Variants in AP3B1 observed in about 807,000 individuals in gnomAD.
The protein encoded by AP3B1 is AP-3 complex subunit beta-1.
Under a neutral mutation model 132.5 loss-of-function variants are expected in AP3B1, and 61 were observed. The ratio of observed to expected loss-of-function variants is 0.46; its 90% CI spans 0.37 to 0.57. The LOEUF (loss-of-function observed/expected upper bound fraction) is 0.57, where lower values mean the gene tolerates loss of function less well. Among genes scored for constraint, AP3B1 ranks in the 20% least tolerant of loss-of-function variants. The pLI is 0.00. For synonymous variants in AP3B1, 388 were observed against 438.3 expected, an observed-to-expected ratio of 0.89 and a Z score of 1.43; for missense variants, 1,120 against 1,289.4, an observed-to-expected ratio of 0.87 and a Z score of 2.01.
chr5:78,023,579 A>C (rs1159829138), intron 24 of AP3B1, among the ~76,000 whole-genome samples: 1 of 152,066 alleles, frequency 6.6e-6, no homozygotes, highest in Non-Finnish European at 1.5e-5. Flanking sequence ...GTAGATAAAA[A>C]TCATATAGGA....
At chr5:78,066,274 A>C (rs934383612) in intron 22 of AP3B1, among the ~76,000 whole-genome samples, 1 of 152,154 alleles carries the variant, frequency 6.6e-6, no homozygotes, top group Non-Finnish European at 1.5e-5. Flanking sequence ...AATTACCACA[A>C]CACCTCTCCA....
chr5:78,129,613 C>G (rs1332365450), intron 15 of AP3B1, among the ~76,000 whole-genome samples: 1 of 151,826 alleles, frequency 6.6e-6, no homozygotes, highest in Non-Finnish European at 1.5e-5. Context: ...CTGAAGGGGT[C>G]TACGTGAGAA....
intron 21 of AP3B1, among the ~76,000 whole-genome samples, chr5:78,098,320 G>A (rs1479731427): frequency 6.6e-6 from 1 of 151,190 alleles, no homozygotes; most frequent in African/African-American, 2.4e-5. Flanking sequence ...AAAAAAGCTT[G>A]TATCTCAACA....
chr5:78,171,019 G>A (rs182909374), intron 11 of AP3B1, among the ~76,000 whole-genome samples: 18 of 152,128 alleles, frequency 1.2e-4, no homozygotes, highest in African/African-American at 4.8e-5. Flanking sequence ...GCTTTTATCA[G>A]GTTTGTCAAA....
chr5:78,150,856 A>C (rs1035959862), intron 14 of AP3B1, among the ~76,000 whole-genome samples: 2 of 152,152 alleles, frequency 1.3e-5, no homozygotes, highest in African/African-American at 4.8e-5. Context: ...CCCAAATGTT[A>C]ACATTTTACT....
chr5:78,097,838 C>T (rs1303100734), intron 21 of AP3B1, among the ~76,000 whole-genome samples: 1 of 152,192 alleles, frequency 6.6e-6, no homozygotes, highest in African/African-American at 2.4e-5. Context: ...GAATAGAAAG[C>T]GGGGAAAGGT....
intron 11 of AP3B1, among the ~76,000 whole-genome samples, chr5:78,172,944 G>T (rs1178054305): frequency 6.6e-6 from 1 of 152,156 alleles, no homozygotes; most frequent in Non-Finnish European, 1.5e-5. Context: ...GTGTCCCAGA[G>T]ATTCTGGTAT....
At chr5:78,204,378 A>C (rs111357046) in intron 7 of AP3B1, among the ~76,000 whole-genome samples, 2,091 of 152,282 alleles carry the variant, frequency 0.014, 54 homozygotes, top group African/African-American at 0.048. Flanking sequence ...GGCCATTTAA[A>C]AATTTGCCTT....
chr5:78,041,637 A>G (rs1346105749), intron 22 of AP3B1, among the ~76,000 whole-genome samples: 2 of 152,100 alleles, frequency 1.3e-5, no homozygotes, highest in Non-Finnish European at 2.9e-5. Context: ...ATAAACAATT[A>G]GCTAAATTTA....
chr5:78,093,306 G>A (rs571578717), intron 21 of AP3B1, among the ~76,000 whole-genome samples: 4 of 152,204 alleles, frequency 2.6e-5, no homozygotes, highest in South Asian at 2.1e-4. Context: ...CAATCCTCCC[G>A]CCTTGGCCTC....
intron 21 of AP3B1, among the ~76,000 whole-genome samples, chr5:78,096,467 C>T (rs1225990233): frequency 5.9e-5 from 9 of 151,394 alleles, no homozygotes; most frequent in Non-Finnish European, 1.2e-4. Flanking sequence ...TCTGCCTGGC[C>T]GCCCATCGTC....
intron 1 of AP3B1, among the ~76,000 whole-genome samples, chr5:78,288,218 T>C (rs181511935): frequency 5.6e-4 from 85 of 152,338 alleles, no homozygotes; most frequent in African/African-American, 2.0e-3. Flanking sequence ...ACTGAAAAGT[T>C]GAATTACACA....
At chr5:78,172,616 T>C (rs1464088460) in intron 11 of AP3B1, among the ~76,000 whole-genome samples, 1 of 152,240 alleles carries the variant, frequency 6.6e-6, no homozygotes, top group East Asian at 1.9e-4. Context: ...TCTATTTGAT[T>C]CTTCTCTCTT....
At chr5:78,124,296 T>C (rs1454947338) in intron 17 of AP3B1, among the ~76,000 whole-genome samples, 1 of 150,922 alleles carries the variant, frequency 6.6e-6, no homozygotes, top group Non-Finnish European at 1.5e-5. Flanking sequence ...CATGTATACA[T>C]ATGTAACAAA....
chr5:78,157,280 C>T (rs1743188852), intron 13 of AP3B1, among the ~76,000 whole-genome samples: 1 of 152,182 alleles, frequency 6.6e-6, no homozygotes, highest in Non-Finnish European at 1.5e-5. Context: ...AGCCTGTTAG[C>T]TCCAGGGTGT....
At chr5:78,040,276 T>C (rs1042104475) in intron 22 of AP3B1, among the ~76,000 whole-genome samples, 5 of 152,210 alleles carry the variant, frequency 3.3e-5, no homozygotes, top group African/African-American at 2.4e-5. Context: ...ACTGAACTAA[T>C]TGTCCCTACA....
At chr5:78,204,218 C>T (rs1300083415) in intron 7 of AP3B1, among the ~76,000 whole-genome samples, 2 of 152,132 alleles carry the variant, frequency 1.3e-5, no homozygotes, top group African/African-American at 4.8e-5. Context: ...TAACTCCTCC[C>T]CAGGGATTAT....
At chr5:78,153,309 T>A (rs560408898) in intron 14 of AP3B1, among the ~76,000 whole-genome samples, 3 of 152,278 alleles carry the variant, frequency 2.0e-5, no homozygotes, top group Admixed American at 2.0e-4. Context: ...CTTCCTACAC[T>A]TTTTGTCTTT....
intron 7 of AP3B1, among the ~76,000 whole-genome samples, chr5:78,212,140 T>G (rs181564250): frequency 1.7e-3 from 252 of 152,120 alleles, no homozygotes; most frequent in African/African-American, 5.8e-3. Flanking sequence ...GTTAGCTGGG[T>G]GTGGTGGCAC....
Sources: allele counts gnomAD v4.1 joint callset (sites outside exome capture counted in the v4.1 genomes callset), GRCh38; gene constraint gnomAD v4.1.1; transcripts MANE v1.5; gene names NCBI Gene and HGNC (gene_info 2026-07-23, HGNC 2026-07-21).